CCDC157: variants seen among roughly 807,000 people sequenced by gnomAD.
The protein encoded by CCDC157 is coiled-coil domain-containing protein 157.
A neutral mutation model predicts 70.9 loss-of-function variants in CCDC157; 60 were observed. The ratio of observed to expected loss-of-function variants is 0.85; its 90% CI spans 0.69 to 1.05. CCDC157 has a LOEUF of 1.05. Ranked by LOEUF, CCDC157 falls within the 50% of genes least tolerant of loss-of-function variation. The pLI is 0.00. For missense variants in CCDC157, 943 were observed against 984.2 expected, an observed-to-expected ratio of 0.96 and a Z score of 0.56; for synonymous variants, 373 against 422.4, an observed-to-expected ratio of 0.88 and a Z score of 1.43.
chr22:30,375,311 C>A, intron 9 of CCDC157, 168 bp from the exon 10 acceptor site: 1 of 628,788 alleles, frequency 1.6e-6, no homozygotes, highest in Non-Finnish European at 2.7e-6. Flanking sequence ...TTTTATAATA[C>A]TATGGTCATC....
chr22:30,366,335 C>T (rs1601725239), intron 3 of CCDC157, 87 bp downstream of exon 3: 1 of 1,545,126 alleles, frequency 6.5e-7, no homozygotes, highest in Non-Finnish European at 8.9e-7. Context: ...CCTCCAGAGG[C>T]AGGGGTGATG....
Position 30,376,643 on chromosome 22 carries a change from C to T in CCDC157, c.2157C>T (p.Cys719=), listed in dbSNP as rs781315171. Residue 719 remains cysteine, a synonymous_variant, in exon 12 of 12, where the codon TGC becomes TGT. Coordinates refer to ENST00000338306, the MANE Select transcript of CCDC157 (RefSeq NM_001017437.5). ...LLEGVTHLDT[C]TQNPIKVLVR... ...AGGGTGTGACCCACTTGGACACCTG[C>T]ACCCAGAACCCCATCAAGGTCTTGG... is the stretch of plus-strand genomic sequence containing the variant. 23 of 1,613,808 alleles carry T rather than the reference C, an allele frequency of 1.4e-5. No individual in the cohort carries two copies. The highest frequency in any genetic ancestry group is 1.9e-5 in the Non-Finnish European group (23 of 1,180,018).
intron 3 of CCDC157, among the ~76,000 whole-genome samples, chr22:30,367,980 A>C (rs1932790077): frequency 6.6e-6 from 1 of 151,752 alleles, no homozygotes; most frequent in African/African-American, 2.4e-5. Flanking sequence ...GAACCTAAGA[A>C]GCGGAGGTTG....
At chr22:30,364,332 T>C (rs983181079) in intron 2 of CCDC157, among the ~76,000 whole-genome samples, 90 of 151,656 alleles carry the variant, frequency 5.9e-4, no homozygotes, top group African/African-American at 2.1e-3. Context: ...AGACCATGTC[T>C]CAAAAAACAA....
Position 30,372,070 on chromosome 22 carries a change from T to A in CCDC157, c.1124-5T>A. 1 of 1,533,124 alleles carries A rather than the reference T, an allele frequency of 6.5e-7. No individual in the cohort carries two copies. The highest frequency in any genetic ancestry group is 8.8e-7 in the Non-Finnish European group (1 of 1,132,430). 95.0% of individuals were successfully genotyped at this position (1,533,124 alleles called of 1,614,324 possible). On this transcript the variant is annotated splice_region_variant and splice_polypyrimidine_tract_variant and intron_variant, in intron 6 of 11. Transcript: ENST00000338306. ...ACCCCATCCCATGTCCACTTAATGC[T>A]GCAGAGGCAAAGGCCCAGCAGCTGC...
intron 7 of CCDC157, 124 bp downstream of exon 7, chr22:30,372,410 G>A (rs755955827): frequency 2.3e-6 from 3 of 1,324,838 alleles, no homozygotes; most frequent in African/African-American, 1.5e-5. Context: ...GCCTCCAGGT[G>A]TGGGGGTTGA....
Position 30,370,430 on chromosome 22 carries a change from C to A in CCDC157, c.525C>A (p.Ser175=). 1 of 1,614,170 alleles carries A rather than the reference C, an allele frequency of 6.2e-7. No homozygotes were observed. The part of the protein sequence containing the change: ...YLTTKLIKPS[S]PVLGLPQTCQ... ...CTACCAAGTTAATCAAGCCCTCCTC[C>A]CCAGTGCTAGGCTTGCCCCAGACCT... Residue 175 remains serine, a synonymous_variant, in exon 5 of 12, where the codon TCC becomes TCA. Transcript: ENST00000338306.
chr22:30,363,360 C>T (rs570436835), intron 2 of CCDC157, among the ~76,000 whole-genome samples: 10 of 152,116 alleles, frequency 6.6e-5, no homozygotes, highest in Admixed American at 6.5e-5. Flanking sequence ...TGGGCTTTGC[C>T]GTGGTTACTG....
Position 30,377,395 on chromosome 22 carries a change from C to G in CCDC157, c.*650C>G, listed in dbSNP as rs932907196. 1 of 155,208 alleles carries G rather than the reference C, an allele frequency of 6.4e-6. No homozygotes were observed. Among genetic ancestry groups the G allele is most frequent in the African/African-American group, 2.4e-5 (1 of 41,460 alleles). The allele number at this position is 155,208 out of a possible 1,614,324, so 9.6% of individuals were successfully genotyped here. ...CCAAGCAGAGGACACCCTGCCAGCC[C>G]TGGCTTTCCCATCCCTGTCCCTTGG... is the stretch of plus-strand genomic sequence containing the variant. On this transcript the variant is annotated 3_prime_UTR_variant, in exon 12 of 12. Transcript: ENST00000338306.
At chr22:30,373,277 G>T in intron 7 of CCDC157, 1 of 304,164 alleles carries the variant, frequency 3.3e-6, no homozygotes, top group South Asian at 5.0e-5. Flanking sequence ...TTAGTTCCCA[G>T]AATTCCTCTC....
At chr22:30,356,708 C>T, upstream of CCDC157, 1 of 1,471,714 alleles carries the variant, frequency 6.8e-7, no homozygotes, top group Non-Finnish European at 9.0e-7. Flanking sequence ...CGGCTGCAGG[C>T]TGAGGGGCGG....
At chr22:30,376,126 G>A (rs1933337625) in intron 10 of CCDC157, 133 bp from the exon 11 acceptor site, 2 of 747,326 alleles carry the variant, frequency 2.7e-6, no homozygotes, top group Non-Finnish European at 4.4e-6. Context: ...CCTAGGCCCT[G>A]CCCCTAGGTG....
intron 3 of CCDC157, among the ~76,000 whole-genome samples, chr22:30,368,064 CA>C (rs1459705898): frequency 1.3e-5 from 2 of 152,078 alleles, no homozygotes; most frequent in East Asian, 3.8e-4. Flanking sequence ...AACAAACAAA[CA>C]AAAAACAACC....
chr22:30,371,858 T>C, intron 6 of CCDC157, 131 bp downstream of exon 6: 1 of 875,422 alleles, frequency 1.1e-6, no homozygotes, highest in Non-Finnish European at 1.8e-6. Flanking sequence ...AGGGTGGGCC[T>C]GACCAACCAC....
At chr22:30,357,514 T>C (rs983686778) in intron 1 of CCDC157, among the ~76,000 whole-genome samples, 1 of 152,106 alleles carries the variant, frequency 6.6e-6, no homozygotes, top group African/African-American at 2.4e-5. Flanking sequence ...TTCTTTTTTC[T>C]TTTTTTCTGA....
chr22:30,371,722 C>CTGTG lies in CCDC157; in HGVS notation c.1119_1122dup (p.Glu375CysfsTer13). On this transcript the variant is annotated frameshift_variant, in exon 6 of 12. Transcript: ENST00000338306. LOFTEE classifies it high-confidence loss of function. ...AAACAGCAGCGGGAGTCCACACAGG[C>CTGTG]TGTGGGTAAGGAGCCCCATCATAGG... 1 of 1,613,640 alleles carries CTGTG rather than the reference C, an allele frequency of 6.2e-7. No individual in the cohort carries two copies.
At chr22:30,364,595 G>A (rs1932591653) in intron 2 of CCDC157, among the ~76,000 whole-genome samples, 1 of 152,102 alleles carries the variant, frequency 6.6e-6, no homozygotes, top group Non-Finnish European at 1.5e-5. Context: ...GATCACTTGA[G>A]GTCAGAAGAC....
At position 30,372,123 on chromosome 22, in the gene CCDC157, C is replaced by A. The variant is rs1006213402; in HGVS notation, c.1172C>A (p.Ala391Glu). 6.4e-7 allele frequency: 1 copy of A among 1,559,496 alleles called. No homozygotes were observed. The highest frequency in any genetic ancestry group is 2.4e-5 in the East Asian group (1 of 42,196). Residue 391 changes from alanine to glutamate, a missense_variant, in exon 7 of 12, where the codon GCG becomes GAG. Ala to Glu is a moderately radical substitution (Grantham distance 107). Coordinates refer to ENST00000338306, the MANE Select transcript of CCDC157 (RefSeq NM_001017437.5). ...GAGGAAGGTGAGCGCAGGGCGGCAGCGGAGAGGCAGGTGCAGCAGCTGGAG... is the reference window on the plus strand; with the variant it reads ...GAGGAAGGTGAGCGCAGGGCGGCAGAGGAGAGGCAGGTGCAGCAGCTGGAG... ...LQEEGERRAA[A>E]ERQVQQLEEQ...
chr22:30,356,902 G>A (rs1047953680), upstream of CCDC157: 54 of 1,000,764 alleles, frequency 5.4e-5, no homozygotes, highest in African/African-American at 7.0e-4. Flanking sequence ...GGCGGCGGCC[G>A]AGCGAGTTGC....
Sources: allele counts gnomAD v4.1 joint callset (sites outside exome capture counted in the v4.1 genomes callset), GRCh38; gene constraint gnomAD v4.1.1; transcripts MANE v1.5; gene names NCBI Gene and HGNC (gene_info 2026-07-23, HGNC 2026-07-21).